The following IFT88 variants were observed in gnomAD, a reference collection of about 807,000 sequenced individuals.
The protein encoded by IFT88 is intraflagellar transport 88, also known as intraflagellar transport protein 88 homolog.
Under a neutral mutation model 119.5 loss-of-function variants are expected in IFT88, and 74 were observed. The observed-to-expected ratio is 0.62, with a 90% CI of 0.51 to 0.75. The LOEUF is 0.75. Among genes scored for constraint, IFT88 ranks in the 30% least tolerant of loss-of-function variants. The pLI is 0.00. For missense variants in IFT88, 961 were observed against 977.7 expected, an observed-to-expected ratio of 0.98 and a Z score of 0.23; for synonymous variants, 279 against 316.7, an observed-to-expected ratio of 0.88 and a Z score of 1.26.
intron 24 of IFT88, among the ~76,000 whole-genome samples, chr13:20,685,421 C>T (rs771874244): frequency 1.3e-5 from 2 of 152,172 alleles, no homozygotes; most frequent in African/African-American, 4.8e-5. Context: ...ACAAACTAAC[C>T]TATAAAATTA....
In IFT88 at chr13:20,590,970, A is replaced by G. The variant is rs1488685318; in HGVS notation, c.214A>G (p.Lys72Glu). 6.2e-7 allele frequency: 1 copy of G among 1,607,178 alleles called. No individual in the cohort carries two copies. Among genetic ancestry groups the G allele is most frequent in the East Asian group, 2.2e-5 (1 of 44,732 alleles). Reference protein sequence around the residue: ...TRPIATGYGSKTSLASSIGRP... With the variant: ...TRPIATGYGSETSLASSIGRP... ...ACTTAACTTTTCTGTTTACTAGTCC[A>G]AGACATCTCTGGCATCATCAATAGG... Residue 72 changes from lysine to glutamate, a missense_variant, in exon 5 of 26, where the codon AAG becomes GAG. Physicochemically the swap from Lys to Glu is moderately conservative, Grantham distance 56. Coordinates refer to ENST00000351808, the MANE Select transcript of IFT88 (RefSeq NM_006531.5).
chr13:20,673,732 C>G (rs1218358959), intron 24 of IFT88, among the ~76,000 whole-genome samples: 1 of 152,196 alleles, frequency 6.6e-6, no homozygotes, highest in African/African-American at 2.4e-5. Context: ...CTGGTCCTGG[C>G]CTCCCACTGC....
intron 20 of IFT88, among the ~76,000 whole-genome samples, chr13:20,647,712 C>G (rs2050959752): frequency 6.6e-6 from 1 of 152,046 alleles, no homozygotes; most frequent in African/African-American, 2.4e-5. Flanking sequence ...AAGACACCAT[C>G]AAGTGGACCA....
intron 11 of IFT88, among the ~76,000 whole-genome samples, chr13:20,601,245 A>T (rs941659151): frequency 6.6e-6 from 1 of 152,160 alleles, no homozygotes; most frequent in African/African-American, 2.4e-5. Context: ...ATGTGCCTAT[A>T]ATCCCAGCTA....
chr13:20,591,518 T>G, intron 5 of IFT88, 100 bp from the exon 6 acceptor site: 1 of 792,242 alleles, frequency 1.3e-6, no homozygotes, highest in Non-Finnish European at 2.0e-6. Flanking sequence ...AAAATCAGCA[T>G]TTTTTTAAAT....
intron 20 of IFT88, among the ~76,000 whole-genome samples, chr13:20,647,632 T>G (rs1414840116): frequency 1.3e-5 from 2 of 152,230 alleles, no homozygotes; most frequent in Non-Finnish European, 2.9e-5. Flanking sequence ...ACTGGTCCAC[T>G]TAATGTAATT....
At chr13:20,679,643 A>C (rs1163960809) in intron 24 of IFT88, among the ~76,000 whole-genome samples, 2 of 152,206 alleles carry the variant, frequency 1.3e-5, no homozygotes, top group African/African-American at 4.8e-5. Context: ...ATCAAGTTTT[A>C]AATCACCCAC....
intron 24 of IFT88, among the ~76,000 whole-genome samples, chr13:20,690,358 T>C (rs2058358582): frequency 6.6e-6 from 1 of 152,210 alleles, no homozygotes; most frequent in Non-Finnish European, 1.5e-5. Context: ...TGATACATAT[T>C]ACATTTTTTC....
intron 24 of IFT88, among the ~76,000 whole-genome samples, chr13:20,686,982 G>A (rs1321581342): frequency 7.7e-6 from 1 of 129,254 alleles, no homozygotes; most frequent in African/African-American, 3.0e-5. Flanking sequence ...GAGATTACAG[G>A]CTCAGGCCAC....
chr13:20,606,075 T>C (rs1203153209), intron 13 of IFT88, among the ~76,000 whole-genome samples: 1 of 152,198 alleles, frequency 6.6e-6, no homozygotes, highest in Non-Finnish European at 1.5e-5. Context: ...GCAGCCTTTC[T>C]CCCTTCGCTG....
At chr13:20,608,677 C>T (rs2987987) in intron 13 of IFT88, among the ~76,000 whole-genome samples, 32,233 of 152,046 alleles carry the variant, frequency 0.21, 3,940 homozygotes, top group African/African-American at 0.31. Flanking sequence ...AGACAAGGAG[C>T]CTGTGAGAAT....
chr13:20,610,679 CAA>C (rs35089663), intron 13 of IFT88, among the ~76,000 whole-genome samples: 11 of 139,886 alleles, frequency 7.9e-5, no homozygotes, highest in Non-Finnish European at 1.1e-4. Flanking sequence ...CAGACAGTAC[CAA>C]AAAAAAAAAG....
chr13:20,673,036 G>A (rs189117808), intron 24 of IFT88, among the ~76,000 whole-genome samples: 24 of 152,294 alleles, frequency 1.6e-4, no homozygotes, highest in Admixed American at 1.4e-3. Flanking sequence ...CGTGATATCA[G>A]CTCTCTTGGA....
intron 3 of IFT88, among the ~76,000 whole-genome samples, chr13:20,589,343 C>A (rs897935554): frequency 7.2e-5 from 11 of 152,096 alleles, no homozygotes; most frequent in African/African-American, 2.7e-4. Context: ...ATTCTAACTA[C>A]AATTTTGTGA....
At chr13:20,674,722 ATAT>A (rs1457852995) in intron 24 of IFT88, among the ~76,000 whole-genome samples, 28 of 42,692 alleles carry the variant, frequency 6.6e-4, no homozygotes, top group African/African-American at 2.0e-3. Context: ...ATATATATAT[ATAT>A]TTTTTTTTTT....
intron 20 of IFT88, among the ~76,000 whole-genome samples, chr13:20,650,502 T>C (rs1364954925): frequency 6.6e-6 from 1 of 152,176 alleles, no homozygotes; most frequent in Non-Finnish European, 1.5e-5. Flanking sequence ...AACTCACAGC[T>C]AACAGGATAC....
chr13:20,596,192 G>A lies in IFT88; in HGVS notation c.441G>A (p.Glu147=). 2 of 1,563,862 alleles carry A rather than the reference G, an allele frequency of 1.3e-6. No homozygotes were observed. Among genetic ancestry groups the A allele is most frequent in the East Asian group, 4.7e-5 (2 of 42,274 alleles). Residue 147 remains glutamate, a synonymous_variant, in exon 8 of 26, where the codon GAG becomes GAA. Coordinates refer to ENST00000351808, the MANE Select transcript of IFT88 (RefSeq NM_006531.5). ...AGCAATTAGAGAAGGAAGTAAATGA[G>A]TTGGTAGAAGAAAGCTGTATTGCCA... ...KIKQLEKEVN[E]LVEESCIANS... is the part of the protein sequence containing the mutation.
At position 20,674,676 on chromosome 13, in the gene IFT88, ATATTT is replaced by A. The variant is rs566137481; in HGVS notation, c.2242+3643_2242+3647del. Reference sequence around the variant, plus strand: ...ATCTTTTATAAAGCACATTGTAAACATATTTTATTTAAAAAAACTGAAGTTTTATA... The same window carrying A: ...ATCTTTTATAAAGCACATTGTAAACATATTTAAAAAAACTGAAGTTTTATA... On this transcript the variant is annotated intron_variant, in intron 24 of 25. Coordinates refer to ENST00000351808, the MANE Select transcript of IFT88 (RefSeq NM_006531.5). Among the ~76,000 whole-genome samples, 1,012 of 148,012 alleles carry A rather than the reference ATATTT, an allele frequency of 6.8e-3. 3 individuals are homozygous for A. The highest frequency in any genetic ancestry group is 0.01 in the Non-Finnish European group (694 of 67,272).
chr13:20,688,109 G>T (rs2058136622), intron 24 of IFT88, among the ~76,000 whole-genome samples: 1 of 152,218 alleles, frequency 6.6e-6, no homozygotes, highest in African/African-American at 2.4e-5. Flanking sequence ...GCCGAGGCAG[G>T]CGCATCACCT....
Sources: allele counts gnomAD v4.1 joint callset (sites outside exome capture counted in the v4.1 genomes callset), GRCh38; gene constraint gnomAD v4.1.1; transcripts MANE v1.5; gene names NCBI Gene and HGNC (gene_info 2026-07-23, HGNC 2026-07-21).